ARHGAP10: variants seen among roughly 807,000 people sequenced by gnomAD.
ARHGAP10 encodes the protein Rho GTPase activating protein 10.
A neutral mutation model predicts 108.6 loss-of-function variants in ARHGAP10; 87 were observed. The ratio of observed to expected loss-of-function variants is 0.80; its 90% CI spans 0.67 to 0.96. ARHGAP10 has a LOEUF of 0.96. ARHGAP10 is among the 40% of genes least tolerant of loss of function. The pLI, the probability that ARHGAP10 is intolerant of heterozygous loss-of-function variation, is 0.00. For missense variants in ARHGAP10, 939 were observed against 954.5 expected (o/e 0.98, Z 0.21); for synonymous variants, 347 against 341.1 (o/e 1.02, Z -0.19).
At chr4:147,837,650 T>TTTTGTTTTTTTTTTTTG in intron 3 of ARHGAP10, among the ~76,000 whole-genome samples, 1 of 112,084 alleles carries the variant, frequency 8.9e-6, no homozygotes. Flanking sequence ...ACTGTTTTTT[T>TTTTGTTTTTTTTTTTTG]TTTTTTTTTT....
rs554084155 is a variant in ARHGAP10, at chr4:147,932,910, A to G, written c.1229-6915A>G. Among the ~76,000 whole-genome samples the G allele has an allele frequency of 9.3e-4, 142 of 152,332 alleles. No homozygotes were observed. The East Asian group carries it at 0.023, about 25-fold the overall frequency. The stretch of plus-strand genomic sequence containing the variant: ...GTTTGGTGTGGAAATTACTTTTAAC[A>G]TGTGAAATATGAACATTCAGTCTGA... On this transcript the variant is annotated intron_variant, in intron 13 of 22. Transcript: ENST00000336498.
At chr4:147,787,684 C>T (rs371840512) in intron 1 of ARHGAP10, among the ~76,000 whole-genome samples, 1 of 152,152 alleles carries the variant, frequency 6.6e-6, no homozygotes, top group East Asian at 1.9e-4. Flanking sequence ...CTGGCTCAGC[C>T]CTCACAACCA....
chr4:147,880,405 TGAG>T (rs1735275942), intron 9 of ARHGAP10, among the ~76,000 whole-genome samples: 1 of 152,182 alleles, frequency 6.6e-6, no homozygotes, highest in African/African-American at 2.4e-5. Flanking sequence ...TTAGTCATGG[TGAG>T]GAGAAGGAAG....
intron 18 of ARHGAP10, among the ~76,000 whole-genome samples, chr4:147,989,496 G>A (rs1001444698): frequency 2.0e-5 from 3 of 152,122 alleles, no homozygotes; most frequent in African/African-American, 7.2e-5. Context: ...AGACAGGTAC[G>A]CCCTGGGGGG....
intron 18 of ARHGAP10, among the ~76,000 whole-genome samples, chr4:147,982,546 C>CTTTTTTTTTTTTTTT (rs753773443): frequency 3.5e-4 from 23 of 66,266 alleles, no homozygotes; most frequent in Non-Finnish European, 3.9e-4. Flanking sequence ...CCAGCTAAAT[C>CTTTTTTTTTTTTTTT]TTTTTTTTTT....
intron 18 of ARHGAP10, among the ~76,000 whole-genome samples, chr4:147,982,546 CTTTTTTTTTTTTT>C (rs753773443): frequency 1.5e-4 from 10 of 66,270 alleles, no homozygotes; most frequent in Admixed American, 5.6e-4. Context: ...CCAGCTAAAT[CTTTTTTTTTTTTT>C]TTTTTTTTTT....
intron 15 of ARHGAP10, among the ~76,000 whole-genome samples, chr4:147,951,456 AGAGG>A (rs1283188041): frequency 1.4e-5 from 2 of 146,728 alleles, no homozygotes; most frequent in Admixed American, 6.8e-5. Context: ...GGGGAAAAGG[AGAGG>A]GAGGGGAAAT....
chr4:148,052,608 C>T (rs988144297), intron 20 of ARHGAP10, among the ~76,000 whole-genome samples: 1 of 152,078 alleles, frequency 6.6e-6, no homozygotes, highest in Non-Finnish European at 1.5e-5. Context: ...TTACTTGTAT[C>T]TGGGCCCTGG....
intron 3 of ARHGAP10, among the ~76,000 whole-genome samples, chr4:147,825,661 AAAGACTAAAT>A (rs1732678304): frequency 1.3e-5 from 2 of 152,200 alleles, no homozygotes; most frequent in African/African-American, 4.8e-5. Context: ...GCTATTTAGG[AAAGACTAAAT>A]AAGATGGTGA....
At chr4:147,910,782 A>T (rs1406663397) in intron 12 of ARHGAP10, among the ~76,000 whole-genome samples, 1 of 152,152 alleles carries the variant, frequency 6.6e-6, no homozygotes, top group Non-Finnish European at 1.5e-5. Context: ...AAATGTCCAC[A>T]GTTTGTAAAC....
chr4:147,964,438 A>G (rs1489088974), intron 16 of ARHGAP10, among the ~76,000 whole-genome samples: 1 of 152,168 alleles, frequency 6.6e-6, no homozygotes, highest in Non-Finnish European at 1.5e-5. Flanking sequence ...ACAACATGCC[A>G]TGCCTTCTGT....
intron 19 of ARHGAP10, among the ~76,000 whole-genome samples, chr4:148,043,702 GA>G (rs1299662535): frequency 8.6e-6 from 1 of 115,822 alleles, no homozygotes; most frequent in Non-Finnish European, 1.8e-5. Context: ...AATGTATAAG[GA>G]AAAATGTATA....
At chr4:148,023,206 A>G in intron 18 of ARHGAP10, 57 bp from the exon 19 acceptor site, 1 of 1,586,486 alleles carries the variant, frequency 6.3e-7, no homozygotes, top group Non-Finnish European at 8.6e-7. Flanking sequence ...TTACTGGAGT[A>G]ACACACAGGT....
intron 18 of ARHGAP10, among the ~76,000 whole-genome samples, chr4:147,971,093 CAAAAAA>C (rs59721708): frequency 9.4e-5 from 7 of 74,270 alleles, no homozygotes; most frequent in Admixed American, 1.5e-4. Flanking sequence ...GACTCTGTCT[CAAAAAA>C]AAAAAAAAAA....
In ARHGAP10 at chr4:148,064,397, G is replaced by T; in HGVS notation, c.2181-19G>T. On this transcript the variant is annotated intron_variant, in intron 21 of 22. Transcript: ENST00000336498. ...TTCCACATTTTCATTGGTGTCTTTT[G>T]TATTCTCTTTCTTTTCAGCATCCGC... 1.2e-6 allele frequency: 2 copies of T among 1,610,830 alleles called. No individual in the cohort carries two copies. Among genetic ancestry groups the T allele is most frequent in the Non-Finnish European group, 8.5e-7 (1 of 1,178,016 alleles).
At chr4:147,737,326 CTTTTTTT>C (rs5862810) in intron 1 of ARHGAP10, among the ~76,000 whole-genome samples, 2 of 133,054 alleles carry the variant, frequency 1.5e-5, no homozygotes, top group African/African-American at 5.7e-5. Context: ...AATTTTTGTA[CTTTTTTT>C]TTTTTTTTTT....
At chr4:147,872,686 A>C (rs958001321) in intron 7 of ARHGAP10, among the ~76,000 whole-genome samples, 3 of 152,362 alleles carry the variant, frequency 2.0e-5, no homozygotes, top group Middle Eastern at 6.8e-3. Flanking sequence ...CTTACAATGA[A>C]GTAAGCTAGA....
intron 20 of ARHGAP10, among the ~76,000 whole-genome samples, chr4:148,056,029 T>C (rs967618454): frequency 6.6e-6 from 1 of 152,238 alleles, no homozygotes; most frequent in African/African-American, 2.4e-5. Context: ...TAAAGTTTTA[T>C]TGGAACACAG....
At chr4:147,805,200 C>T (rs1731735856) in intron 1 of ARHGAP10, among the ~76,000 whole-genome samples, 1 of 152,134 alleles carries the variant, frequency 6.6e-6, no homozygotes, top group African/African-American at 2.4e-5. Context: ...TATGGCTAGC[C>T]AGTTGTTCCA....
Sources: allele counts gnomAD v4.1 joint callset (sites outside exome capture counted in the v4.1 genomes callset), GRCh38; gene constraint gnomAD v4.1.1; transcripts MANE v1.5; gene names NCBI Gene and HGNC (gene_info 2026-07-23, HGNC 2026-07-21).